FABP12: variants seen among roughly 807,000 people sequenced by gnomAD.
FABP12 encodes the protein fatty acid-binding protein 12.
A neutral mutation model predicts 13.7 loss-of-function variants in FABP12; 19 were observed. The ratio of observed to expected loss-of-function variants is 1.39; its 90% CI spans 0.97 to 2.04. The LOEUF is 2.04. Ranked by LOEUF, FABP12 falls within the 30% of genes most tolerant of loss-of-function variation. The pLI is 0.00. For missense variants in FABP12, 182 were observed against 164.2 expected, an observed-to-expected ratio of 1.11 and a Z score of -0.59; for synonymous variants, 61 against 57.0, an observed-to-expected ratio of 1.07 and a Z score of -0.32.
chr8:81,536,756 G>A (rs975922052), upstream of FABP12, among the ~76,000 whole-genome samples: 16 of 152,158 alleles, frequency 1.1e-4, no homozygotes, highest in African/African-American at 3.9e-4. Context: ...TTTAGATCAG[G>A]GGTTGGCAAA....
chr8:81,584,928 T>C (rs1322509084), intron 1 of FABP12, among the ~76,000 whole-genome samples: 1 of 152,214 alleles, frequency 6.6e-6, no homozygotes, highest in Non-Finnish European at 1.5e-5. Flanking sequence ...ATATACCTGT[T>C]GGCCATTTGT....
intron 3 of FABP12, among the ~76,000 whole-genome samples, chr8:81,528,661 G>A (rs911526203): frequency 6.6e-6 from 1 of 152,248 alleles, no homozygotes; most frequent in African/African-American, 2.4e-5. Flanking sequence ...ATCCTGTTTT[G>A]GATGAGCTCT....
chr8:81,584,305 A>G (rs1017712585), intron 1 of FABP12, among the ~76,000 whole-genome samples: 1 of 152,222 alleles, frequency 6.6e-6, no homozygotes, highest in African/African-American at 2.4e-5. Context: ...GGTGATTGCA[A>G]GTCCAGGAGA....
chr8:81,575,359 G>A (rs937331010), intron 1 of FABP12, among the ~76,000 whole-genome samples: 2 of 152,104 alleles, frequency 1.3e-5, no homozygotes, highest in Non-Finnish European at 2.9e-5. Context: ...ATTGAGGCTC[G>A]TTTTATGGCC....
chr8:81,578,823 G>GTTTTTTTTTTTTTTTT (rs763089399), intron 1 of FABP12, among the ~76,000 whole-genome samples: 3 of 105,668 alleles, frequency 2.8e-5, no homozygotes, highest in African/African-American at 1.2e-4. Flanking sequence ...ATTTGTTCAA[G>GTTTTTTTTTTTTTTTT]TTTTTTTTTT....
At chr8:81,539,417 CCTTA>C (rs1235057107) in intron 2 of FABP12, among the ~76,000 whole-genome samples, 1 of 123,512 alleles carries the variant, frequency 8.1e-6, no homozygotes, top group South Asian at 2.9e-4. Flanking sequence ...AAAACATTTT[CCTTA>C]CTTCTTTAGT....
chr8:81,533,244 T>G lies in FABP12; in HGVS notation c.-76+558A>C, dbSNP rs1809127724. The G allele has an allele frequency of 2.0e-5, 3 of 152,400 alleles. No individual in the cohort carries two copies. The South Asian group carries it at 6.2e-4, about 32-fold the overall frequency. 9.4% of individuals were successfully genotyped at this position (152,400 alleles called of 1,614,324 possible). Reference sequence around the variant, plus strand: ...GTGTCAGTCACATCAGCTCAGAGACTGCCTAATGTCAACTGGCCTAGTCAT... The same window carrying G: ...GTGTCAGTCACATCAGCTCAGAGACGGCCTAATGTCAACTGGCCTAGTCAT... On this transcript the variant is annotated intron_variant, in intron 1 of 4. Coordinates refer to ENST00000360464, the Ensembl canonical transcript of FABP12.
intron 4 of FABP12, 121 bp from the exon 5 acceptor site, chr8:81,525,241 C>T (rs886723475): frequency 2.5e-5 from 16 of 649,812 alleles, no homozygotes; most frequent in Middle Eastern, 8.7e-4. Flanking sequence ...AGAGGCCGGG[C>T]GCGGTGGCTC....
chr8:81,545,370 G>A (rs1163241132), intron 1 of FABP12, among the ~76,000 whole-genome samples: 1 of 152,192 alleles, frequency 6.6e-6, no homozygotes, highest in African/African-American at 2.4e-5. Flanking sequence ...CTTTCAGAAA[G>A]ATTACATTAT....
intron 1 of FABP12, among the ~76,000 whole-genome samples, chr8:81,547,189 T>C (rs1159228061): frequency 2.6e-5 from 4 of 152,214 alleles, no homozygotes; most frequent in African/African-American, 9.7e-5. Flanking sequence ...AATTCAACAT[T>C]TTGTATTGCA....
chr8:81,536,901 A>G (rs1309809509), upstream of FABP12, among the ~76,000 whole-genome samples: 3 of 152,258 alleles, frequency 2.0e-5, no homozygotes. Context: ...TATAACAAAC[A>G]TATGACTGGC....
chr8:81,529,534 G>A (rs761239008), exon 3 of FABP12: 1 of 1,613,856 alleles, frequency 6.2e-7, no homozygotes, highest in Non-Finnish European at 8.5e-7. Context: ...TTTTTATTGT[G>A]ATGACATCTC....
intron 1 of FABP12, among the ~76,000 whole-genome samples, chr8:81,586,169 T>C (rs997033529): frequency 6.6e-6 from 1 of 152,200 alleles, no homozygotes; most frequent in Non-Finnish European, 1.5e-5. Flanking sequence ...GCAAAGGACA[T>C]GATCCCATTC....
chr8:81,529,377 G>T (rs767508566), intron 3 of FABP12, 61 bp downstream of exon 3: 135 of 1,526,180 alleles, frequency 8.8e-5, no homozygotes, highest in Non-Finnish European at 1.1e-4. Context: ...CTTACTTACC[G>T]AGGATGATAT....
chr8:81,558,936 G>A (rs1195375187), intron 1 of FABP12, among the ~76,000 whole-genome samples: 2 of 150,578 alleles, frequency 1.3e-5, no homozygotes, highest in Non-Finnish European at 3.0e-5. Flanking sequence ...ACTTCCAGGG[G>A]AAGGACAGAG....
chr8:81,528,750 CTGAGATATGTGCCCT>C (rs1808976406), intron 3 of FABP12, among the ~76,000 whole-genome samples: 1 of 152,048 alleles, frequency 6.6e-6, no homozygotes, highest in Non-Finnish European at 1.5e-5. Context: ...TAATATATTC[CTGAGATATGTGCCCT>C]TGAGATATGA....
chr8:81,586,968 T>C (rs1338728581), intron 1 of FABP12, among the ~76,000 whole-genome samples: 1 of 152,218 alleles, frequency 6.6e-6, no homozygotes, highest in Non-Finnish European at 1.5e-5. Context: ...TTAATTTTTG[T>C]ATATGGTGAA....
rs1809072337 is a variant in FABP12 at position 81,531,400 on chromosome 8, A to C, written c.-75-10T>G. 1 of 881,940 alleles carries C rather than the reference A, an allele frequency of 1.1e-6. No individual in the cohort carries two copies. The highest frequency in any genetic ancestry group is 2.7e-5 in the East Asian group (1 of 36,764). 54.6% of individuals were successfully genotyped at this position (881,940 alleles called of 1,614,324 possible). A position where few individuals can be genotyped will look rare whatever the true frequency, so the allele number is the denominator to read the frequency against. ...TGAAGTAGTATGGGAACTTGTTTTT[A>C]ATACAATTTTGGGTAGAGAATGAGA... On this transcript the variant is annotated splice_polypyrimidine_tract_variant and intron_variant, in intron 1 of 4. Coordinates refer to ENST00000360464, the Ensembl canonical transcript of FABP12.
intron 4 of FABP12, among the ~76,000 whole-genome samples, chr8:81,525,525 AAAAAATAG>A (rs1447154120): frequency 6.6e-6 from 1 of 150,446 alleles, no homozygotes; most frequent in African/African-American, 2.5e-5. Context: ...CAAAAAAAAA[AAAAAATAG>A]ATAGATAGAT....
Sources: allele counts gnomAD v4.1 joint callset (sites outside exome capture counted in the v4.1 genomes callset), GRCh38; gene constraint gnomAD v4.1.1; transcripts MANE v1.5; gene names NCBI Gene and HGNC (gene_info 2026-07-23, HGNC 2026-07-21).